The following DCAF8L2 variants were observed in gnomAD, a reference collection of about 807,000 sequenced individuals.
DCAF8L2 encodes DDB1- and CUL4-associated factor 8-like protein 2.
For missense variants in DCAF8L2, 430 were observed against 490.7 expected, an observed-to-expected ratio of 0.88 and a Z score of 1.17; for synonymous variants, 200 against 190.9, an observed-to-expected ratio of 1.05 and a Z score of -0.39.
chrX:27,606,092 G>A lies in DCAF8L2; in HGVS notation c.-342+15652G>A, dbSNP rs1211215026. On this transcript the variant is annotated intron_variant, in intron 1 of 4. Coordinates refer to ENST00000451261, the MANE Select transcript of DCAF8L2 (RefSeq NM_001353450.2). ...AGAGACAGTGCACTTTTTTTTTTTT[G>A]GGAAGAGCCACGGAAGTACTGATTG... Among the ~76,000 whole-genome samples the A allele has an allele frequency of 3.9e-5, 4 of 101,814 alleles. No homozygotes were observed. The Admixed American group carries it at 4.4e-4, about 11-fold the overall frequency. 88.4% of individuals were successfully genotyped at this position (101,814 alleles called of 115,157 possible).
chrX:27,579,228 T>A, the DCAF8L2 span, among the ~76,000 whole-genome samples: 1 of 111,540 alleles, frequency 9.0e-6, no homozygotes, highest in African/African-American at 3.3e-5. Flanking sequence ...TATGCAGCCA[T>A]AGAAAGGAAC....
the DCAF8L2 span, among the ~76,000 whole-genome samples, chrX:27,532,798 G>A: frequency 9.5e-6 from 1 of 105,003 alleles, no homozygotes; most frequent in African/African-American, 3.5e-5. Context: ...GCCAGGGCCC[G>A]CACTTGGTGG....
At chrX:27,730,845 AT>A (rs1921152021) in intron 4 of DCAF8L2, among the ~76,000 whole-genome samples, 1 of 111,918 alleles carries the variant, frequency 8.9e-6, no homozygotes, top group South Asian at 3.7e-4. Flanking sequence ...AATATTTGGC[AT>A]GTAAACCTTT....
At chrX:27,589,183 T>A (rs938116818), upstream of DCAF8L2, among the ~76,000 whole-genome samples, 5 of 111,674 alleles carry the variant, frequency 4.5e-5, no homozygotes, top group Non-Finnish European at 9.4e-5. Context: ...ATGCCTTGAA[T>A]ATACTAAACA....
At chrX:27,522,447 T>C in the DCAF8L2 span, among the ~76,000 whole-genome samples, 2 of 112,558 alleles carry the variant, frequency 1.8e-5, no homozygotes, top group Non-Finnish European at 3.7e-5. Context: ...AATTTTTTTA[T>C]TGTGGAAAGA....
intron 3 of DCAF8L2, among the ~76,000 whole-genome samples, chrX:27,685,987 C>G (rs1469207061): frequency 9.0e-6 from 1 of 111,501 alleles, no homozygotes; most frequent in Non-Finnish European, 1.9e-5. Flanking sequence ...TAAAAATGCT[C>G]AACACTAGTA....
At chrX:27,624,843 A>C (rs1927937290) in intron 1 of DCAF8L2, among the ~76,000 whole-genome samples, 1 of 109,913 alleles carries the variant, frequency 9.1e-6, no homozygotes, top group Non-Finnish European at 1.9e-5. Flanking sequence ...CACCACATAC[A>C]AAAAACTCAA....
intron 1 of DCAF8L2, among the ~76,000 whole-genome samples, chrX:27,597,812 G>T (rs749729896): frequency 1.8e-5 from 2 of 112,230 alleles, no homozygotes; most frequent in African/African-American, 6.5e-5. Context: ...TTACAGCCAC[G>T]CTACTTAGGT....
intron 4 of DCAF8L2, among the ~76,000 whole-genome samples, chrX:27,736,926 TGAA>T (rs771033717): frequency 2.7e-4 from 30 of 111,702 alleles, no homozygotes; most frequent in Admixed American, 1.5e-3. Flanking sequence ...ACAGATTGCA[TGAA>T]GAAGCAGATA....
chrX:27,483,911 C>T, the DCAF8L2 span, among the ~76,000 whole-genome samples: 4 of 110,786 alleles, frequency 3.6e-5, no homozygotes, highest in Admixed American at 3.9e-4. Context: ...GTTGAATACT[C>T]CAGAATAAGA....
chrX:27,728,792 T>TA (rs1315529926), intron 4 of DCAF8L2, among the ~76,000 whole-genome samples: 1 of 112,307 alleles, frequency 8.9e-6, no homozygotes, highest in Non-Finnish European at 1.9e-5. Context: ...GTCCAGACTT[T>TA]AAAAAATTGC....
chrX:27,729,913 C>T (rs1331215205), intron 4 of DCAF8L2, among the ~76,000 whole-genome samples: 1 of 111,896 alleles, frequency 8.9e-6, no homozygotes, highest in Non-Finnish European at 1.9e-5. Flanking sequence ...AGAAATGTAT[C>T]CATGGGTACT....
At chrX:27,736,645 A>T (rs193287833) in intron 4 of DCAF8L2, among the ~76,000 whole-genome samples, 2 of 112,146 alleles carry the variant, frequency 1.8e-5, no homozygotes, top group East Asian at 5.6e-4. Flanking sequence ...CCTGAAAGCA[A>T]TAATTATAAA....
the DCAF8L2 span, among the ~76,000 whole-genome samples, chrX:27,551,999 A>G: frequency 3.6e-5 from 4 of 111,563 alleles, no homozygotes; most frequent in Non-Finnish European, 7.6e-5. Context: ...AGTGTTTGTT[A>G]TATTTTTTTT....
chrX:27,505,213 GA>G, the DCAF8L2 span, among the ~76,000 whole-genome samples: 1 of 111,242 alleles, frequency 9.0e-6, no homozygotes, highest in Non-Finnish European at 1.9e-5. Flanking sequence ...CTTTACAGAT[GA>G]AAAAACAACT....
At chrX:27,530,959 C>A in the DCAF8L2 span, among the ~76,000 whole-genome samples, 1 of 111,370 alleles carries the variant, frequency 9.0e-6, no homozygotes, top group Non-Finnish European at 1.9e-5. Context: ...CATTTCTCCC[C>A]TGATGACCAG....
chrX:27,486,422 TAA>T, the DCAF8L2 span, among the ~76,000 whole-genome samples: 1 of 112,040 alleles, frequency 8.9e-6, no homozygotes, highest in Non-Finnish European at 1.9e-5. Flanking sequence ...TTTCTAATAC[TAA>T]GTTTCAGTGT....
the DCAF8L2 span, among the ~76,000 whole-genome samples, chrX:27,544,264 T>C: frequency 9.0e-6 from 1 of 111,693 alleles, no homozygotes; most frequent in Non-Finnish European, 1.9e-5. Context: ...AACTTCAAGA[T>C]GATAGAAAAG....
At chrX:27,704,527 T>A (rs1931275509) in intron 3 of DCAF8L2, among the ~76,000 whole-genome samples, 1 of 109,684 alleles carries the variant, frequency 9.1e-6, no homozygotes, top group South Asian at 3.8e-4. Flanking sequence ...GGGGAGGAAA[T>A]GGGAAGAAGC....
Sources: gnomAD v4.1 joint callset for allele counts (sites outside exome capture counted in the v4.1 genomes callset) on GRCh38, gnomAD v4.1.1 for gene constraint, MANE v1.5 for transcripts, NCBI Gene and HGNC (gene_info 2026-07-23, HGNC 2026-07-21) for gene names.